COL25A1: variants seen among roughly 807,000 people sequenced by gnomAD.
The protein encoded by COL25A1 is collagen alpha-1(XXV) chain.
In COL25A1, 103 loss-of-function variants were observed where a neutral mutation model predicts 128.4. The ratio of observed to expected loss-of-function variants is 0.80; its 90% CI spans 0.68 to 0.94. The LOEUF is 0.94. COL25A1 is among the 40% of genes least tolerant of loss of function. The probability of loss-of-function intolerance (pLI) is 0.00; values close to 1 mark genes in which losing one functional copy is unlikely to be tolerated. For synonymous variants in COL25A1, 279 were observed against 277.2 expected (o/e 1.01, Z -0.06); for missense variants, 745 against 840.0 (o/e 0.89, Z 1.40).
chr4:109,089,594 G>C (rs1764720469), intron 3 of COL25A1, among the ~76,000 whole-genome samples: 1 of 152,006 alleles, frequency 6.6e-6, no homozygotes, highest in African/African-American at 2.4e-5. Context: ...TATTTCACTT[G>C]AGTATATTTT....
chr4:108,893,432 G>A (rs1205815185), intron 16 of COL25A1, among the ~76,000 whole-genome samples: 2 of 152,066 alleles, frequency 1.3e-5, no homozygotes, highest in Non-Finnish European at 2.9e-5. Context: ...GTAACTCTAC[G>A]CATGACTGAA....
chr4:109,053,450 A>T (rs974415565), intron 3 of COL25A1, among the ~76,000 whole-genome samples: 2 of 152,192 alleles, frequency 1.3e-5, no homozygotes, highest in African/African-American at 4.8e-5. Flanking sequence ...CCACTTGAAA[A>T]GGCTCTTCTC....
chr4:109,076,498 T>C (rs1300460384), intron 3 of COL25A1, among the ~76,000 whole-genome samples: 1 of 152,130 alleles, frequency 6.6e-6, no homozygotes. Context: ...TGATTCCTAA[T>C]AAGAATATCT....
intron 3 of COL25A1, among the ~76,000 whole-genome samples, chr4:109,265,101 C>T (rs943471906): frequency 1.3e-5 from 2 of 152,068 alleles, no homozygotes; most frequent in African/African-American, 4.8e-5. Context: ...CAATTTTAGC[C>T]ATGTCACTAA....
chr4:109,240,403 T>G (rs530731542), intron 3 of COL25A1, among the ~76,000 whole-genome samples: 1 of 152,090 alleles, frequency 6.6e-6, no homozygotes, highest in African/African-American at 2.4e-5. Context: ...GGGTCATATA[T>G]GCAGTTTGTT....
intron 3 of COL25A1, among the ~76,000 whole-genome samples, chr4:109,083,366 T>C (rs1055390478): frequency 6.6e-6 from 1 of 151,370 alleles, no homozygotes; most frequent in Non-Finnish European, 1.5e-5. Context: ...ACTCCATACA[T>C]TCCAGACTGC....
At chr4:108,918,319 G>C in intron 12 of COL25A1, 103 bp from the exon 13 acceptor site, 1 of 763,328 alleles carries the variant, frequency 1.3e-6, no homozygotes, top group Non-Finnish European at 2.0e-6. Context: ...AACATTTCTA[G>C]GAAGTCTTAT....
chr4:108,816,275 A>G (rs13114739), intron 37 of COL25A1, among the ~76,000 whole-genome samples: 74,859 of 151,958 alleles, frequency 0.49, 19,348 homozygotes, highest in Middle Eastern at 0.64. Flanking sequence ...GTTATTCAGG[A>G]TTTTCTCACC....
intron 19 of COL25A1, 130 bp downstream of exon 19, chr4:108,884,048 T>A (rs913258740): frequency 2.6e-6 from 2 of 779,584 alleles, no homozygotes; most frequent in Admixed American, 5.5e-5. Flanking sequence ...TTTAGTTAGT[T>A]GAGATGGCTG....
intron 5 of COL25A1, among the ~76,000 whole-genome samples, chr4:109,028,006 C>T (rs938143180): frequency 6.6e-6 from 1 of 152,142 alleles, no homozygotes; most frequent in Non-Finnish European, 1.5e-5. Flanking sequence ...GAGACTTTGA[C>T]ACATAGATAA....
At chr4:108,918,000 C>T (rs1476697312) in intron 13 of COL25A1, among the ~76,000 whole-genome samples, 172 bp downstream of exon 13, 3 of 152,122 alleles carry the variant, frequency 2.0e-5, no homozygotes, top group African/African-American at 4.8e-5. Flanking sequence ...CTATTTAATG[C>T]ATCTTTAAAA....
chr4:108,889,216 A>G lies in COL25A1; in HGVS notation c.975+5T>C, dbSNP rs748793104. The G allele has an allele frequency of 3.1e-6, 5 of 1,612,906 alleles. No individual in the cohort carries two copies. The South Asian group carries it at 5.5e-5, about 18-fold the overall frequency. ...GTAGGAACACACTAGAGATAGAGAT[A>G]TTACCTTTTGCCCTGGACGACCAGA... On this transcript the variant is annotated splice_donor_5th_base_variant and intron_variant, in intron 18 of 37. Transcript: ENST00000399132.
intron 3 of COL25A1, among the ~76,000 whole-genome samples, chr4:109,089,590 A>C (rs921264636): frequency 6.6e-6 from 1 of 152,116 alleles, no homozygotes; most frequent in African/African-American, 2.4e-5. Context: ...CTATTATTTC[A>C]CTTGAGTATA....
intron 3 of COL25A1, among the ~76,000 whole-genome samples, chr4:109,177,495 C>T (rs1485939153): frequency 3.9e-5 from 6 of 152,174 alleles, no homozygotes; most frequent in African/African-American, 1.4e-4. Flanking sequence ...CTCCTTGAAC[C>T]AGCCCCCACC....
chr4:109,138,258 T>C (rs1770006812), intron 3 of COL25A1, among the ~76,000 whole-genome samples: 2 of 152,176 alleles, frequency 1.3e-5, no homozygotes, highest in South Asian at 4.1e-4. Flanking sequence ...GTTCCTGTGT[T>C]AGTTTGCTGA....
At chr4:109,068,033 G>C (rs1405675865) in intron 3 of COL25A1, among the ~76,000 whole-genome samples, 1 of 152,154 alleles carries the variant, frequency 6.6e-6, no homozygotes, top group African/African-American at 2.4e-5. Flanking sequence ...ACAATAACCA[G>C]AAGTCTACTG....
intron 3 of COL25A1, among the ~76,000 whole-genome samples, chr4:109,266,566 T>A (rs1272162347): frequency 6.6e-6 from 1 of 151,892 alleles, no homozygotes; most frequent in Non-Finnish European, 1.5e-5. Flanking sequence ...GTACTAATAA[T>A]CTAGGACAGG....
chr4:109,072,700 C>T (rs1275239787), intron 3 of COL25A1, among the ~76,000 whole-genome samples: 1 of 152,162 alleles, frequency 6.6e-6, no homozygotes, highest in Non-Finnish European at 1.5e-5. Context: ...TTTCTGAAAC[C>T]TTTTGAAGGC....
intron 3 of COL25A1, among the ~76,000 whole-genome samples, chr4:109,170,095 G>T (rs1486946677): frequency 6.6e-6 from 1 of 152,056 alleles, no homozygotes; most frequent in Non-Finnish European, 1.5e-5. Context: ...GAACTATTCT[G>T]ACCTGAGGAC....
Sources: gnomAD v4.1 joint callset for allele counts (sites outside exome capture counted in the v4.1 genomes callset) on GRCh38, gnomAD v4.1.1 for gene constraint, MANE v1.5 for transcripts, NCBI Gene and HGNC (gene_info 2026-07-23, HGNC 2026-07-21) for gene names.